The following PIK3R5 variants were observed in gnomAD, a reference collection of about 807,000 sequenced individuals.
The protein encoded by PIK3R5 is phosphoinositide 3-kinase regulatory subunit 5.
Under a neutral mutation model 94.9 loss-of-function variants are expected in PIK3R5, and 32 were observed. The ratio of observed to expected loss-of-function variants is 0.34; its 90% CI spans 0.25 to 0.45. The LOEUF (loss-of-function observed/expected upper bound fraction) is 0.45. Among genes scored for constraint, PIK3R5 ranks in the 20% least tolerant of loss-of-function variants. PIK3R5 has a pLI of 1.00. For missense variants in PIK3R5, 853 were observed against 1,144.6 expected (o/e 0.75, Z 3.68); for synonymous variants, 443 against 479.4 (o/e 0.92, Z 0.99).
intron 3 of PIK3R5, among the ~76,000 whole-genome samples, chr17:8,908,158 T>A (rs1399589056): frequency 6.6e-6 from 1 of 152,194 alleles, no homozygotes; most frequent in Non-Finnish European, 1.5e-5. Flanking sequence ...ATTTTGGAAC[T>A]CATGGGGGTT....
In PIK3R5 at chr17:8,945,067, G is replaced by C. The variant is rs949045983; in HGVS notation, c.-14+20529C>G. 1.3e-5 allele frequency among the ~76,000 whole-genome samples: 2 copies of C among 152,040 alleles called. No homozygotes were observed. Among genetic ancestry groups the C allele is most frequent in the African/African-American group, 2.4e-5 (1 of 41,412 alleles). On this transcript the variant is annotated intron_variant, in intron 1 of 18. Coordinates refer to ENST00000447110, the MANE Select transcript of PIK3R5 (RefSeq NM_001142633.3). This position sits in a 1 kb window ranked among gnomAD's most constrained non-coding sequence, Gnocchi z 4.0. ...TGGGGGTCCAGGAAGCCCTGCTGTG[G>C]AGCAGCCCAGAGACCTGGCAAAGCT...
intron 1 of PIK3R5, among the ~76,000 whole-genome samples, chr17:8,947,342 C>T (rs1314064299): frequency 6.6e-6 from 1 of 152,076 alleles, no homozygotes; most frequent in Non-Finnish European, 1.5e-5. Flanking sequence ...TCACCAAGAA[C>T]AATGAAAGCT....
chr17:8,890,835 T>C lies in PIK3R5; in HGVS notation c.560A>G (p.His187Arg), dbSNP rs774764203. The C allele has an allele frequency of 6.2e-7, 1 of 1,613,370 alleles. No homozygotes were observed. Among genetic ancestry groups the C allele is most frequent in the East Asian group, 2.2e-5 (1 of 44,880 alleles). The change falls in exon 7 of 19, where the codon CAC becomes CGC. Residue 187 changes from histidine to arginine, a missense_variant. Physicochemically the swap from His to Arg is conservative, Grantham distance 29. This residue lies in a region of PIK3R5 where 161 missense variants were observed against 249.5 expected (regional missense o/e 0.65). Coordinates refer to ENST00000447110, the MANE Select transcript of PIK3R5 (RefSeq NM_001142633.3). This position sits in a 1 kb window ranked among gnomAD's most constrained non-coding sequence, Gnocchi z 6.1. ...AVANKLSTPGHSPHSAYTTLL... is the reference protein window; with the variant it reads ...AVANKLSTPGRSPHSAYTTLL... ...GGTGGTGTAGGCACTGTGAGGCGAG[T>C]GTCCGGGCGTACTCAGCTTATTGGC...
At chr17:8,918,081 G>GA (rs1396376469) in intron 1 of PIK3R5, among the ~76,000 whole-genome samples, 3 of 152,126 alleles carry the variant, frequency 2.0e-5, no homozygotes, top group African/African-American at 7.2e-5. Flanking sequence ...AATACATATA[G>GA]AAAAATTTTA....
At position 8,884,004 on chromosome 17, in the gene PIK3R5, C is replaced by T. The variant is rs144182328; in HGVS notation, c.2205+703G>A. On this transcript the variant is annotated intron_variant, in intron 15 of 18. Coordinates refer to ENST00000447110, the MANE Select transcript of PIK3R5 (RefSeq NM_001142633.3). This position sits in a 1 kb window ranked among gnomAD's most constrained non-coding sequence, Gnocchi z 5.8. ...CTGCTGTTTTATTGCTTTGTCATCA[C>T]TTGCCGCTCTCTGGAATTATCTTGG... Among the ~76,000 whole-genome samples, 658 of 152,320 alleles carry T rather than the reference C, an allele frequency of 4.3e-3. 6 individuals are homozygous for T. Among genetic ancestry groups the T allele is most frequent in the African/African-American group, 0.015 (624 of 41,564 alleles).
At position 8,958,318 on chromosome 17, in the gene PIK3R5, A is replaced by C. The variant is rs76061486; in HGVS notation, c.-14+7278T>G. Among the ~76,000 whole-genome samples, 1,253 of 152,134 alleles carry C rather than the reference A, an allele frequency of 8.2e-3. 34 individuals carry two copies. The highest frequency in any genetic ancestry group is 0.029 in the African/African-American group (1,214 of 41,478). ...AAAAATCCTAAAGAAAATCACAGCA[A>C]ATCAAACCTAGCACAGTACTGAAGG... On this transcript the variant is annotated intron_variant, in intron 1 of 18. Transcript: ENST00000447110.
At position 8,958,031 on chromosome 17, in the gene PIK3R5, T is replaced by C. The variant is rs1320719865; in HGVS notation, c.-14+7565A>G. On this transcript the variant is annotated intron_variant, in intron 1 of 18. Transcript: ENST00000447110. ...TTCATGCAAAAATCCTAAAGAAAGG[T>C]GGGATGCGGTGGCTCACTCCTATAA... Among the ~76,000 whole-genome samples the C allele has an allele frequency of 3.3e-5, 5 of 151,986 alleles. No homozygotes were observed. In the East Asian group the frequency reaches 7.7e-4, roughly 24 times the overall value.
At position 8,884,493 on chromosome 17, in the gene PIK3R5, C is replaced by A. The variant is rs2089761345; in HGVS notation, c.2205+214G>T. Among the ~76,000 whole-genome samples the A allele has an allele frequency of 1.3e-5, 2 of 152,170 alleles. No individual in the cohort carries two copies. Among genetic ancestry groups the A allele is most frequent in the Non-Finnish European group, 2.9e-5 (2 of 68,022 alleles). Reference sequence around the variant, plus strand: ...AGCGCATTCGGGTGGGGGCAGAGAACATGGTGGGAGAGAGGCTTTGGAGGC... The same window carrying A: ...AGCGCATTCGGGTGGGGGCAGAGAAAATGGTGGGAGAGAGGCTTTGGAGGC... On this transcript the variant is annotated intron_variant, in intron 15 of 18. Coordinates refer to ENST00000447110, the MANE Select transcript of PIK3R5 (RefSeq NM_001142633.3). The surrounding 1 kb of genome is among the most constrained non-coding windows in gnomAD (Gnocchi z 5.8).
chr17:8,958,633 G>A (rs2091503845), intron 1 of PIK3R5, among the ~76,000 whole-genome samples: 1 of 152,188 alleles, frequency 6.6e-6, no homozygotes, highest in Non-Finnish European at 1.5e-5. Context: ...CCAAGCTCAT[G>A]CCTGTCCCTG....
Position 8,889,078 on chromosome 17 carries a change from G to A in PIK3R5, c.895+61C>T. ...CGGGGTGGGAGCTGCATGGACCCAG[G>A]ACCAGAAACACAGCTCAGGCAGTGT... On this transcript the variant is annotated intron_variant, in intron 9 of 18. Transcript: ENST00000447110. This position sits in a 1 kb window ranked among gnomAD's most constrained non-coding sequence, Gnocchi z 4.1. 6.4e-7 allele frequency: 1 copy of A among 1,557,830 alleles called. No individual in the cohort carries two copies. The highest frequency in any genetic ancestry group is 1.8e-5 in the Admixed American group (1 of 56,820).
intron 14 of PIK3R5, 104 bp downstream of exon 14, chr17:8,886,125 C>A: frequency 1.2e-6 from 1 of 865,876 alleles, no homozygotes; most frequent in Non-Finnish European, 1.9e-6. Flanking sequence ...TGCAACCCCA[C>A]CTTCCCATGG....
At position 8,911,708 on chromosome 17, in the gene PIK3R5, G is replaced by T; in HGVS notation, c.-13-201C>A. 1.8e-6 allele frequency: 1 copy of T among 543,280 alleles called. No homozygotes were observed. The highest frequency in any genetic ancestry group is 3.1e-5 in the East Asian group (1 of 31,960). 33.7% of individuals were successfully genotyped at this position (543,280 alleles called of 1,614,324 possible). ...TCTGGAGGGCCACATCTGAGTGGCA[G>T]GACAGAGCACCCCTGCAGCAGAACG... On this transcript the variant is annotated intron_variant, in intron 1 of 18. Transcript: ENST00000447110. The surrounding 1 kb of genome is among the most constrained non-coding windows in gnomAD (Gnocchi z 5.3).
chr17:8,881,001 A>G lies in PIK3R5; in HGVS notation c.2399T>C (p.Ile800Thr), dbSNP rs774371589. The change falls in exon 18 of 19, where the codon ATC (isoleucine) becomes ACC (threonine). Residue 800 changes from isoleucine (I) to threonine (T), a missense_variant. Physicochemically the swap from Ile to Thr is moderately conservative, Grantham distance 89. Around this residue, in one of 6 missense-constraint regions of PIK3R5, gnomAD observed 173 missense variants for 274.1 expected, o/e 0.63. Coordinates refer to ENST00000447110, the MANE Select transcript of PIK3R5 (RefSeq NM_001142633.3). This position sits in a 1 kb window ranked among gnomAD's most constrained non-coding sequence, Gnocchi z 4.8. ...KGFNQISTSQ[I>T]KVDKVQIIGS... ...GATGATCTGCACCTTGTCCACTTTG[A>G]TCTGCGATGTGCTAATCTGGAAGGA... 14 of 1,613,896 alleles carry G rather than the reference A, an allele frequency of 8.7e-6. No individual in the cohort carries two copies. Among genetic ancestry groups the G allele is most frequent in the Non-Finnish European group, 1.2e-5 (14 of 1,179,802 alleles).
intron 1 of PIK3R5, among the ~76,000 whole-genome samples, chr17:8,947,072 A>C (rs1054713153): frequency 7.9e-5 from 9 of 113,712 alleles, no homozygotes; most frequent in African/African-American, 2.9e-4. Context: ...GGTTTGAAGG[A>C]AGATGAGAGA....
In PIK3R5 at chr17:8,880,943, C is replaced by G. The variant is rs537080543; in HGVS notation, c.2457G>C (p.Leu819=). 2.5e-6 allele frequency: 4 copies of G among 1,614,154 alleles called. No individual in the cohort carries two copies. Among genetic ancestry groups the G allele is most frequent in the South Asian group, 1.1e-5 (1 of 91,086 alleles). The change falls in exon 18 of 19, where the codon CTG becomes CTC. Residue 819 remains leucine (L), a synonymous_variant. Coordinates refer to ENST00000447110, the MANE Select transcript of PIK3R5 (RefSeq NM_001142633.3). ...GSNSCPFAVC[L]DQDERKILQS... is the part of the protein sequence containing the mutation. ...GCAGGATCTTTCTCTCATCCTGGTC[C>G]AGGCACACAGCAAAGGGGCAGCTGT... is the stretch of plus-strand genomic sequence containing the variant.
chr17:8,905,196 G>T, intron 4 of PIK3R5, among the ~76,000 whole-genome samples: 1 of 53,736 alleles, frequency 1.9e-5, no homozygotes, highest in Non-Finnish European at 3.7e-5. Context: ...GGTAAATGGT[G>T]CCATTGCTGA....
intron 1 of PIK3R5, among the ~76,000 whole-genome samples, chr17:8,946,241 A>G (rs1192550690): frequency 6.6e-6 from 1 of 152,002 alleles, no homozygotes. Flanking sequence ...ATCTGGTGTG[A>G]GTGCCAGCCG....
chr17:8,937,881 C>T (rs1246746585), intron 1 of PIK3R5, among the ~76,000 whole-genome samples: 1 of 152,180 alleles, frequency 6.6e-6, no homozygotes, highest in African/African-American at 2.4e-5. Context: ...ACAATCTCGG[C>T]TCATTGCAAC....
chr17:8,880,367 C>T lies in PIK3R5; in HGVS notation c.*272G>A. On this transcript the variant is annotated 3_prime_UTR_variant, in exon 19 of 19. Coordinates refer to ENST00000447110, the MANE Select transcript of PIK3R5 (RefSeq NM_001142633.3). The stretch of plus-strand genomic sequence containing the variant: ...CCTAGACCATGCTAATGGTCAGGGA[C>T]TTCAGAGGTCAATTTACCCATCCTT... The T allele has an allele frequency of 2.7e-6, 1 of 367,152 alleles. No homozygotes were observed. The highest frequency in any genetic ancestry group is 4.9e-6 in the Non-Finnish European group (1 of 204,458). The allele number at this position is 367,152 out of a possible 1,614,324, so 22.7% of individuals were successfully genotyped here.
Sources: allele counts gnomAD v4.1 joint callset (sites outside exome capture counted in the v4.1 genomes callset), GRCh38; gene constraint gnomAD v4.1.1; regional missense constraint gnomAD v4.1.1; non-coding constraint Gnocchi (gnomAD v3.1); transcripts MANE v1.5; gene names NCBI Gene and HGNC (gene_info 2026-07-23, HGNC 2026-07-21).